LHFPL6: variants seen among roughly 807,000 people sequenced by gnomAD.
The protein encoded by LHFPL6 is LHFPL tetraspan subfamily member 6, also known as LHFPL tetraspan subfamily member 6 protein.
In LHFPL6, 9 loss-of-function variants were observed where a neutral mutation model predicts 20.6. The ratio of observed to expected loss-of-function variants is 0.44; its 90% CI spans 0.26 to 0.76. LHFPL6 has a LOEUF of 0.76. LHFPL6 is among the 30% of genes least tolerant of loss of function. The pLI is 0.20. For synonymous variants in LHFPL6, 105 were observed against 98.7 expected (o/e 1.06, Z -0.38); for missense variants, 218 against 253.5 (o/e 0.86, Z 0.95).
At chr13:39,379,945 T>C (rs1420385864) in intron 2 of LHFPL6, among the ~76,000 whole-genome samples, 1 of 152,230 alleles carries the variant, frequency 6.6e-6, no homozygotes, top group Non-Finnish European at 1.5e-5. Context: ...ACTGCATAAA[T>C]ATGAATTATG....
intron 2 of LHFPL6, among the ~76,000 whole-genome samples, chr13:39,425,761 G>A (rs73458841): frequency 0.028 from 4,291 of 152,090 alleles, 176 homozygotes; most frequent in African/African-American, 0.091. Context: ...ATATTCTGAC[G>A]CAAGTCCTTT....
chr13:39,478,208 C>T (rs1873130361), intron 2 of LHFPL6, among the ~76,000 whole-genome samples: 1 of 152,028 alleles, frequency 6.6e-6, no homozygotes, highest in African/African-American at 2.4e-5. Flanking sequence ...TAATACATTC[C>T]ACCTAGAGAT....
intron 2 of LHFPL6, among the ~76,000 whole-genome samples, chr13:39,449,208 A>G (rs1190400224): frequency 6.6e-6 from 1 of 152,242 alleles, no homozygotes; most frequent in African/African-American, 2.4e-5. Flanking sequence ...GATATTCCTC[A>G]CTACATTTCA....
At chr13:39,375,012 G>A (rs1345989152) in intron 3 of LHFPL6, among the ~76,000 whole-genome samples, 1 of 152,190 alleles carries the variant, frequency 6.6e-6, no homozygotes, top group Non-Finnish European at 1.5e-5. Flanking sequence ...AGATCAGAGA[G>A]TAACAACATA....
At chr13:39,424,940 G>A (rs986441598) in intron 2 of LHFPL6, among the ~76,000 whole-genome samples, 20 of 152,006 alleles carry the variant, frequency 1.3e-4, no homozygotes, top group African/African-American at 2.2e-4. Flanking sequence ...TAAATGCCAC[G>A]TATTTGAAAG....
At chr13:39,570,535 T>C (rs969211945) in intron 2 of LHFPL6, among the ~76,000 whole-genome samples, 4 of 150,816 alleles carry the variant, frequency 2.7e-5, no homozygotes, top group Non-Finnish European at 5.9e-5. Context: ...TAATATATAA[T>C]AGAATAATAA....
intron 2 of LHFPL6, among the ~76,000 whole-genome samples, chr13:39,581,733 A>G (rs560756900): frequency 7.2e-5 from 11 of 152,276 alleles, no homozygotes; most frequent in African/African-American, 2.2e-4. Context: ...CAAACCAAAA[A>G]AAAGTGCTAT....
intron 2 of LHFPL6, among the ~76,000 whole-genome samples, chr13:39,538,589 C>A (rs1870699048): frequency 6.6e-6 from 1 of 151,002 alleles, no homozygotes; most frequent in African/African-American, 2.4e-5. Context: ...AGGTACATAT[C>A]TTGATTAAAG....
intron 2 of LHFPL6, among the ~76,000 whole-genome samples, chr13:39,439,267 G>GGACTTGCCTTTATCCCC (rs1872050981): frequency 1.3e-5 from 2 of 152,200 alleles, no homozygotes; most frequent in Non-Finnish European, 2.9e-5. Context: ...CCTGCTGGGT[G>GGACTTGCCTTTATCCCC]CAGGACTTGC....
chr13:39,529,711 C>T (rs1174870244), intron 2 of LHFPL6, among the ~76,000 whole-genome samples: 1 of 152,148 alleles, frequency 6.6e-6, no homozygotes, highest in East Asian at 1.9e-4. Flanking sequence ...TTAACTTGCC[C>T]ACTAGTAGGA....
At chr13:39,416,004 A>C (rs1203987915) in intron 2 of LHFPL6, among the ~76,000 whole-genome samples, 3 of 152,234 alleles carry the variant, frequency 2.0e-5, no homozygotes, top group Non-Finnish European at 4.4e-5. Context: ...CAAGTGTATA[A>C]TGACAGAATG....
chr13:39,600,913 T>C lies in LHFPL6; in HGVS notation c.304A>G (p.Thr102Ala), dbSNP rs1372694504. ...GAAACACAGCAACCCATGAGGGCAG[T>C]GAGCGCCACCAGGAGGAGGAGGCCA... ...GCGLLLLVAL[T>A]ALMGCCVSDL... The change falls in exon 2 of 4, where the codon ACT becomes GCT. Residue 102 changes from threonine (T) to alanine (A), a missense_variant. Coordinates refer to ENST00000379589, the MANE Select transcript of LHFPL6 (RefSeq NM_005780.3). 4 of 1,588,464 alleles carry C rather than the reference T, an allele frequency of 2.5e-6. No homozygotes were observed. Among genetic ancestry groups the C allele is most frequent in the Non-Finnish European group, 3.4e-6 (4 of 1,165,098 alleles).
At chr13:39,462,511 A>G (rs1489949843) in intron 2 of LHFPL6, among the ~76,000 whole-genome samples, 2 of 152,210 alleles carry the variant, frequency 1.3e-5, no homozygotes, top group Non-Finnish European at 2.9e-5. Flanking sequence ...AAATATGTCC[A>G]AACTCTGTTA....
At chr13:39,563,018 T>C (rs1871591711) in intron 2 of LHFPL6, among the ~76,000 whole-genome samples, 1 of 150,484 alleles carries the variant, frequency 6.6e-6, no homozygotes. Flanking sequence ...TGATAATGAA[T>C]GCAGTAGGAG....
intron 2 of LHFPL6, among the ~76,000 whole-genome samples, chr13:39,553,861 C>T (rs970743581): frequency 3.3e-5 from 5 of 152,232 alleles, no homozygotes; most frequent in African/African-American, 1.2e-4. Flanking sequence ...CAGCCAGCCA[C>T]CTGCCAATTT....
intron 2 of LHFPL6, among the ~76,000 whole-genome samples, chr13:39,400,255 T>C (rs954287589): frequency 7.2e-5 from 11 of 152,194 alleles, no homozygotes; most frequent in Non-Finnish European, 1.5e-4. Context: ...TTGCTGTTGA[T>C]ACTAACTTGG....
intron 2 of LHFPL6, among the ~76,000 whole-genome samples, chr13:39,598,270 G>A (rs1164101307): frequency 8.5e-6 from 1 of 117,020 alleles, no homozygotes; most frequent in Non-Finnish European, 1.7e-5. Context: ...AAGCTACCTA[G>A]GGAATTCTTT....
intron 2 of LHFPL6, among the ~76,000 whole-genome samples, chr13:39,441,620 C>T (rs1392038475): frequency 1.3e-5 from 2 of 151,520 alleles, no homozygotes; most frequent in Admixed American, 6.6e-5. Context: ...TCAAGTGATC[C>T]TCCCACCTCA....
At chr13:39,492,883 C>T (rs1169038602) in intron 2 of LHFPL6, among the ~76,000 whole-genome samples, 1 of 151,896 alleles carries the variant, frequency 6.6e-6, no homozygotes, top group Non-Finnish European at 1.5e-5. Flanking sequence ...TTTCTCTATG[C>T]TGGTCAGGCT....
Sources: allele counts gnomAD v4.1 joint callset (sites outside exome capture counted in the v4.1 genomes callset), GRCh38; gene constraint gnomAD v4.1.1; transcripts MANE v1.5; gene names NCBI Gene and HGNC (gene_info 2026-07-23, HGNC 2026-07-21).